LIMS1: variants seen among roughly 807,000 people sequenced by gnomAD.
The protein encoded by LIMS1 is LIM and senescent cell antigen-like-containing domain protein 1.
In LIMS1, 18 loss-of-function variants were observed where a neutral mutation model predicts 44.1. That is an observed-to-expected ratio of 0.41 (90% CI 0.28 to 0.61). The LOEUF is 0.61. Ranked by LOEUF, LIMS1 falls within the 20% of genes least tolerant of loss-of-function variation. LIMS1 has a pLI of 0.32. For missense variants in LIMS1, 201 were observed against 422.0 expected (o/e 0.48, Z 4.59); for synonymous variants, 93 against 149.1 (o/e 0.62, Z 2.74).
chr2:108,624,711 C>T (rs1471220265), intron 1 of LIMS1, among the ~76,000 whole-genome samples: 1 of 152,044 alleles, frequency 6.6e-6, no homozygotes, highest in Non-Finnish European at 1.5e-5. Context: ...GAGCCGAGAT[C>T]GCGCCACTGC....
chr2:108,589,683 A>T (rs2718717), intron 1 of LIMS1, among the ~76,000 whole-genome samples: 1 of 151,956 alleles, frequency 6.6e-6, no homozygotes, highest in Admixed American at 6.6e-5. Context: ...GCTGCATCCC[A>T]TAAGTTTTAG....
intron 1 of LIMS1, among the ~76,000 whole-genome samples, chr2:108,630,379 A>G (rs1359704121): frequency 1.3e-5 from 2 of 152,176 alleles, no homozygotes; most frequent in African/African-American, 4.8e-5. Flanking sequence ...GAACTCAGGG[A>G]TCCAATGATA....
exon 10 of LIMS1, chr2:108,684,742 G>C (rs1251659601): frequency 2.6e-5 from 4 of 152,014 alleles, no homozygotes; most frequent in Non-Finnish European, 1.5e-5. Context: ...GGAAAATGAA[G>C]TATTTTTAAT....
At chr2:108,671,797 C>A (rs1692177961) in intron 3 of LIMS1, among the ~76,000 whole-genome samples, 1 of 152,118 alleles carries the variant, frequency 6.6e-6, no homozygotes, top group Non-Finnish European at 1.5e-5. Flanking sequence ...CACAAAACAG[C>A]CCAAAAATGT....
chr2:108,607,233 A>G (rs1687319326), intron 1 of LIMS1: 4 of 1,551,028 alleles, frequency 2.6e-6, no homozygotes, highest in South Asian at 1.2e-5. Context: ...TGAGGGACAC[A>G]TCGAATCAAG....
chr2:108,537,779 G>A (rs1463274263), intron 1 of LIMS1, among the ~76,000 whole-genome samples: 2 of 152,008 alleles, frequency 1.3e-5, no homozygotes, highest in Non-Finnish European at 2.9e-5. Flanking sequence ...CTGTCTCCTG[G>A]GCAGTTCTTT....
intron 2 of LIMS1, among the ~76,000 whole-genome samples, chr2:108,667,836 G>T (rs532024867): frequency 1.3e-5 from 2 of 151,978 alleles, no homozygotes; most frequent in East Asian, 3.9e-4. Flanking sequence ...ACATCCTCCT[G>T]TATACTTTTC....
chr2:108,664,761 TCTC>T (rs1347237041), intron 2 of LIMS1, among the ~76,000 whole-genome samples: 9 of 152,024 alleles, frequency 5.9e-5, no homozygotes, highest in Admixed American at 5.9e-4. Context: ...TAGCAGAAGT[TCTC>T]CACCTGGAAT....
chr2:108,607,353 A>G, intron 1 of LIMS1: 1 of 1,148,366 alleles, frequency 8.7e-7, no homozygotes, highest in Non-Finnish European at 1.3e-6. Flanking sequence ...TTCATCACAT[A>G]AATAGTACAT....
chr2:108,555,632 G>A (rs1030801204), intron 1 of LIMS1, among the ~76,000 whole-genome samples: 3 of 152,222 alleles, frequency 2.0e-5, no homozygotes, highest in East Asian at 3.8e-4. Flanking sequence ...TCCTAGTCTT[G>A]TGAATTGTGC....
At chr2:108,630,511 A>G (rs1170264974) in intron 1 of LIMS1, among the ~76,000 whole-genome samples, 1 of 146,996 alleles carries the variant, frequency 6.8e-6, no homozygotes. Flanking sequence ...CTCGTTTAAT[A>G]TATGTTTGAA....
At chr2:108,607,153 C>T (rs1233023364) in intron 1 of LIMS1, 1 of 1,511,146 alleles carries the variant, frequency 6.6e-7, no homozygotes, top group Admixed American at 2.0e-5. Flanking sequence ...TTGCCCCTTC[C>T]TGCATGTGAG....
chr2:108,625,136 C>T (rs1419197584), intron 1 of LIMS1, among the ~76,000 whole-genome samples: 2 of 152,214 alleles, frequency 1.3e-5, no homozygotes, highest in Non-Finnish European at 2.9e-5. Context: ...CAGGCCAAAT[C>T]TGGCCTGCTG....
intron 1 of LIMS1, among the ~76,000 whole-genome samples, chr2:108,549,279 CTTTTTTTTTTTTTTTTTT>C (rs71381966): frequency 3.6e-5 from 2 of 55,784 alleles, no homozygotes; most frequent in African/African-American, 7.5e-5. Context: ...TAAAGTGTTT[CTTTTTTTTTTTTTTTTTT>C]TTTTTTTTTT....
chr2:108,610,147 AATGTGTGT>A (rs1687515504), intron 1 of LIMS1, among the ~76,000 whole-genome samples: 1 of 122,520 alleles, frequency 8.2e-6, no homozygotes, highest in African/African-American at 3.4e-5. Flanking sequence ...TGTTACAAAA[AATGTGTGT>A]GTGTGTGTGT....
intron 1 of LIMS1, among the ~76,000 whole-genome samples, chr2:108,584,401 C>T (rs781484144): frequency 2.0e-5 from 3 of 152,006 alleles, no homozygotes; most frequent in Non-Finnish European, 2.9e-5. Context: ...TTTAAAGCCA[C>T]GTAACCTCAT....
intron 1 of LIMS1, among the ~76,000 whole-genome samples, chr2:108,644,082 G>A (rs952548345): frequency 2.0e-5 from 3 of 152,146 alleles, no homozygotes; most frequent in Admixed American, 6.5e-5. Context: ...GGGTGGTTGT[G>A]GGCACAGCTT....
At chr2:108,547,661 T>C (rs1033510784) in intron 1 of LIMS1, among the ~76,000 whole-genome samples, 1 of 152,340 alleles carries the variant, frequency 6.6e-6, no homozygotes, top group South Asian at 2.1e-4. Context: ...GTTATTCTAA[T>C]GGGAAGTTTC....
intron 1 of LIMS1, among the ~76,000 whole-genome samples, chr2:108,570,291 A>G (rs1261009552): frequency 1.3e-5 from 2 of 152,050 alleles, no homozygotes; most frequent in East Asian, 1.9e-4. Flanking sequence ...ATTAGCCAGC[A>G]TGGTGGCGCG....
Sources: allele counts gnomAD v4.1 joint callset (sites outside exome capture counted in the v4.1 genomes callset), GRCh38; gene constraint gnomAD v4.1.1; transcripts MANE v1.5; gene names NCBI Gene and HGNC (gene_info 2026-07-23, HGNC 2026-07-21).